The following FARS2 variants were observed in gnomAD, a reference collection of about 807,000 sequenced individuals.
FARS2 encodes phenylalanyl-tRNA synthetase 2, mitochondrial.
Under a neutral mutation model 46.4 loss-of-function variants are expected in FARS2, and 40 were observed. That is an observed-to-expected ratio of 0.86 (90% CI 0.67 to 1.12). The LOEUF is 1.12. Among genes scored for constraint, FARS2 ranks in the 50% most tolerant of loss-of-function variants. The probability of loss-of-function intolerance (pLI) is 0.00; values close to 1 mark genes in which losing one functional copy is unlikely to be tolerated. For missense variants in FARS2, 513 were observed against 567.9 expected, an observed-to-expected ratio of 0.90 and a Z score of 0.98; for synonymous variants, 234 against 214.9, an observed-to-expected ratio of 1.09 and a Z score of -0.78.
rs114296426 is a variant in FARS2, at chr6:5,615,327, C to G, written c.1217+2007C>G. Among the ~76,000 whole-genome samples, 371 of 152,194 alleles carry G rather than the reference C, an allele frequency of 2.4e-3. 2 individuals are homozygous for G. Among genetic ancestry groups the G allele is most frequent in the Non-Finnish European group, 4.2e-3 (283 of 68,020 alleles). ...TCTCATTTCCGCTTCATTTGGTATG[C>G]TCTCCTCATTGTTATCTTCTCTGTC... On this transcript the variant is annotated intron_variant, in intron 6 of 6. Coordinates refer to ENST00000274680, the MANE Select transcript of FARS2 (RefSeq NM_006567.5).
At chr6:5,373,489 A>G (rs1355938976) in intron 2 of FARS2, among the ~76,000 whole-genome samples, 1 of 152,100 alleles carries the variant, frequency 6.6e-6, no homozygotes, top group Non-Finnish European at 1.5e-5. Context: ...GCTGTGGGAA[A>G]TTGTGTAGCA....
At chr6:5,408,735 A>G (rs931013262) in intron 3 of FARS2, among the ~76,000 whole-genome samples, 21 of 152,206 alleles carry the variant, frequency 1.4e-4, no homozygotes, top group African/African-American at 4.6e-4. Flanking sequence ...AGTTAAGACA[A>G]GACAATAAAA....
chr6:5,724,090 G>A (rs994546370), intron 6 of FARS2, among the ~76,000 whole-genome samples: 3 of 152,242 alleles, frequency 2.0e-5, no homozygotes, highest in African/African-American at 7.2e-5. Flanking sequence ...TTCAATTTCA[G>A]TTCCCTTTTC....
chr6:5,275,989 A>G (rs1224587176), intron 1 of FARS2, among the ~76,000 whole-genome samples: 1 of 152,202 alleles, frequency 6.6e-6, no homozygotes, highest in Non-Finnish European at 1.5e-5. Flanking sequence ...GCTTTTGGAT[A>G]GCACTAGAAG....
At chr6:5,251,092 G>A in the FARS2 span, among the ~76,000 whole-genome samples, 37 of 152,182 alleles carry the variant, frequency 2.4e-4, no homozygotes, top group South Asian at 8.3e-4. Flanking sequence ...TTGCATATGC[G>A]CAACCATACT....
intron 5 of FARS2, among the ~76,000 whole-genome samples, chr6:5,567,726 A>G (rs1009868707): frequency 7.2e-5 from 11 of 152,264 alleles, no homozygotes; most frequent in Non-Finnish European, 1.3e-4. Flanking sequence ...TATACGACAT[A>G]CAGTCAAATC....
intron 2 of FARS2, among the ~76,000 whole-genome samples, chr6:5,377,027 A>G (rs1759425583): frequency 6.6e-6 from 1 of 152,226 alleles, no homozygotes. Flanking sequence ...GGATTTTGAG[A>G]CTTACATGTT....
chr6:5,594,233 TC>T (rs1431124794), intron 5 of FARS2, among the ~76,000 whole-genome samples: 1 of 152,168 alleles, frequency 6.6e-6, no homozygotes, highest in Non-Finnish European at 1.5e-5. Context: ...CCTTTGAAGT[TC>T]CCCTCGATGA....
intron 6 of FARS2, among the ~76,000 whole-genome samples, chr6:5,658,428 CAT>C (rs1326736439): frequency 6.6e-6 from 1 of 152,120 alleles, no homozygotes; most frequent in African/African-American, 2.4e-5. Context: ...ACTCCAAAAA[CAT>C]ATGGGTACTT....
chr6:5,732,610 A>G (rs1252455525), intron 6 of FARS2, among the ~76,000 whole-genome samples: 1 of 152,098 alleles, frequency 6.6e-6, no homozygotes, highest in Admixed American at 6.5e-5. Flanking sequence ...ATTCTCAATG[A>G]GGAGGGAGAA....
At chr6:5,385,947 T>C (rs979632176) in intron 2 of FARS2, among the ~76,000 whole-genome samples, 2 of 152,124 alleles carry the variant, frequency 1.3e-5, no homozygotes, top group African/African-American at 4.8e-5. Context: ...GAGTTGGATA[T>C]AGATTGCCTT....
chr6:5,304,629 GTGTTTA>G (rs1288924394), intron 1 of FARS2, among the ~76,000 whole-genome samples: 1 of 152,098 alleles, frequency 6.6e-6, no homozygotes, highest in Non-Finnish European at 1.5e-5. Context: ...ATGAGAAGCT[GTGTTTA>G]TGTTTGTGTT....
At chr6:5,296,583 C>T (rs191765676) in intron 1 of FARS2, among the ~76,000 whole-genome samples, 4 of 152,324 alleles carry the variant, frequency 2.6e-5, no homozygotes, top group African/African-American at 4.8e-5. Flanking sequence ...ACTCCCCATC[C>T]CCTCTCCCCC....
At chr6:5,259,419 G>A (rs1435404248), upstream of FARS2, among the ~76,000 whole-genome samples, 1 of 152,110 alleles carries the variant, frequency 6.6e-6, no homozygotes, top group East Asian at 1.9e-4. Context: ...ATTCTCTCCC[G>A]TGAAATTTAA....
intron 6 of FARS2, among the ~76,000 whole-genome samples, chr6:5,738,870 G>A (rs1344015107): frequency 6.6e-6 from 1 of 152,060 alleles, no homozygotes; most frequent in South Asian, 2.1e-4. Flanking sequence ...TTTCTAGAAC[G>A]TAAGACAAAA....
At chr6:5,459,092 G>T (rs1765082694) in intron 4 of FARS2, among the ~76,000 whole-genome samples, 1 of 152,208 alleles carries the variant, frequency 6.6e-6, no homozygotes, top group Non-Finnish European at 1.5e-5. Context: ...CAGAACTGAT[G>T]ACACTGGTCC....
chr6:5,643,639 T>C (rs1776933301), intron 6 of FARS2, among the ~76,000 whole-genome samples: 1 of 152,190 alleles, frequency 6.6e-6, no homozygotes, highest in Admixed American at 6.5e-5. Flanking sequence ...TGAGGTTGAC[T>C]TCAGAGGTGC....
At chr6:5,408,789 G>A (rs539321732) in intron 3 of FARS2, among the ~76,000 whole-genome samples, 3 of 152,286 alleles carry the variant, frequency 2.0e-5, no homozygotes, top group Non-Finnish European at 2.9e-5. Context: ...AAAGAGCAAC[G>A]GTCATGGCTG....
intron 2 of FARS2, among the ~76,000 whole-genome samples, chr6:5,384,000 G>C (rs1280186107): frequency 1.3e-5 from 2 of 152,174 alleles, no homozygotes; most frequent in Non-Finnish European, 2.9e-5. Context: ...GATGTTGAGA[G>C]ATCATAATTT....
Sources: gnomAD v4.1 joint callset for allele counts (sites outside exome capture counted in the v4.1 genomes callset) on GRCh38, gnomAD v4.1.1 for gene constraint, MANE v1.5 for transcripts, NCBI Gene and HGNC (gene_info 2026-07-23, HGNC 2026-07-21) for gene names.